EI24: variants seen among roughly 807,000 people sequenced by gnomAD.
EI24 encodes EI24 autophagy associated transmembrane protein.
EI24 carries 21 observed loss-of-function variants against 48.6 expected under a neutral mutation model. That is an observed-to-expected ratio of 0.43 (90% confidence interval 0.31 to 0.62). EI24 has a LOEUF of 0.62. Ranked by LOEUF, EI24 falls within the 20% of genes least tolerant of loss-of-function variation. The pLI is 0.10. For synonymous variants in EI24, 114 were observed against 145.5 expected (o/e 0.78, Z 1.56); for missense variants, 280 against 410.5 (o/e 0.68, Z 2.75).
chr11:125,579,131 A>G (rs1056622552), intron 7 of EI24, 63 bp downstream of exon 7: 1 of 1,481,372 alleles, frequency 6.8e-7, no homozygotes, highest in Non-Finnish European at 9.1e-7. Context: ...TTCACTAGAG[A>G]GAACTTCACA....
intron 2 of EI24, 37 bp downstream of exon 2, chr11:125,572,606 C>T (rs749208966): frequency 3.2e-6 from 5 of 1,582,622 alleles, no homozygotes; most frequent in Non-Finnish European, 4.3e-6. Flanking sequence ...CATCTCTCGG[C>T]CTTTTTTTTT....
At chr11:125,581,064 A>G (rs982745305) in intron 8 of EI24, 147 bp from the exon 9 acceptor site, 11 of 203,834 alleles carry the variant, frequency 5.4e-5, no homozygotes, top group African/African-American at 2.7e-4. Flanking sequence ...GCATCAAAGC[A>G]AGACTCCATC....
At chr11:125,574,606 AGCTTG>A (rs1323213195) in intron 2 of EI24, 3 of 152,340 alleles carry the variant, frequency 2.0e-5, no homozygotes, top group Non-Finnish European at 4.4e-5. Flanking sequence ...TCTTAAATCC[AGCTTG>A]GCCATTGCTT....
intron 10 of EI24, 123 bp from the exon 11 acceptor site, chr11:125,583,398 T>C: frequency 1.2e-6 from 1 of 824,658 alleles, no homozygotes; most frequent in Admixed American, 3.0e-5. Flanking sequence ...CTGTATTTCC[T>C]TGATCAAGTT....
In EI24 at chr11:125,584,116, T is replaced by C. The variant is rs1044776486; in HGVS notation, c.*433T>C. ...GTTGTTTTTCTGTGAAACACATACA[T>C]TGGATATGGGAGGTAAAGGAGTGTC... On this transcript the variant is annotated 3_prime_UTR_variant, in exon 11 of 11. Transcript: ENST00000278903. 1 of 200,604 alleles carries C rather than the reference T, an allele frequency of 5.0e-6. No individual in the cohort carries two copies. The highest frequency in any genetic ancestry group is 2.4e-5 in the African/African-American group (1 of 41,916). The allele number at this position is 200,604 out of a possible 1,614,324, so 12.4% of individuals were successfully genotyped here. A position where few individuals can be genotyped will look rare whatever the true frequency, so the allele number is the denominator to read the frequency against.
At chr11:125,581,134 G>A (rs932119695) in intron 8 of EI24, 77 bp from the exon 9 acceptor site, 2 of 611,612 alleles carry the variant, frequency 3.3e-6, no homozygotes, top group Non-Finnish European at 5.2e-6. Flanking sequence ...AAAACTCATG[G>A]TTTGTCTACC....
chr11:125,581,432 T>G, intron 9 of EI24, 110 bp downstream of exon 9: 1 of 549,536 alleles, frequency 1.8e-6, no homozygotes. Flanking sequence ...CATTTGTCCA[T>G]CAGGAGACCT....
chr11:125,581,422 C>A, intron 9 of EI24, 100 bp downstream of exon 9: 2 of 618,024 alleles, frequency 3.2e-6, no homozygotes, highest in Admixed American at 2.7e-5. Context: ...TCTACATCAT[C>A]ATTTGTCCAT....
chr11:125,580,240 C>T, intron 8 of EI24, 36 bp downstream of exon 8: 1 of 1,485,034 alleles, frequency 6.7e-7, no homozygotes, highest in Non-Finnish European at 9.4e-7. Flanking sequence ...AAATGGAGGC[C>T]CAGTTTGGAA....
At chr11:125,578,710 G>C (rs1432521396) in intron 6 of EI24, among the ~76,000 whole-genome samples, 2 of 151,924 alleles carry the variant, frequency 1.3e-5, no homozygotes, top group Non-Finnish European at 2.9e-5. Flanking sequence ...CTGCTGATCT[G>C]CCTGCCTCGG....
intron 5 of EI24, 105 bp downstream of exon 5, chr11:125,577,675 G>T: frequency 1.0e-6 from 1 of 962,938 alleles, no homozygotes; most frequent in Non-Finnish European, 1.6e-6. Flanking sequence ...AGCTTTCACT[G>T]TTTATTTTCT....
rs1031614460 is a variant in EI24 at position 125,579,125 on chromosome 11, C to G, written c.561+57C>G. ...TTTATTAAAAAGAAAAACTGTTTCA[C>G]TAGAGAGAACTTCACAAAGACAGAG... On this transcript the variant is annotated intron_variant, in intron 7 of 10. Coordinates refer to ENST00000278903, the MANE Select transcript of EI24 (RefSeq NM_004879.5). 2.7e-6 allele frequency: 4 copies of G among 1,498,068 alleles called. No homozygotes were observed. In the African/African-American group the frequency reaches 4.2e-5, roughly 16 times the overall value. The allele number at this position is 1,498,068 out of a possible 1,614,324, so 92.8% of individuals were successfully genotyped here. A position where few individuals can be genotyped will look rare whatever the true frequency, so the allele number is the denominator to read the frequency against.
chr11:125,579,654 C>G (rs1331624791), intron 7 of EI24, among the ~76,000 whole-genome samples: 3 of 152,038 alleles, frequency 2.0e-5, no homozygotes, highest in Non-Finnish European at 4.4e-5. Flanking sequence ...GCGACAAGAG[C>G]AAAACTGTCT....
At position 125,581,585 on chromosome 11, in the gene EI24, C is replaced by T. The variant is rs774315891; in HGVS notation, c.785+263C>T. ...TTTTTGAGACAGAGTCTCACTCTGT[C>T]GCCCAGGCTAGAGTGCAGTGGTGTA... On this transcript the variant is annotated intron_variant, in intron 9 of 10. Coordinates refer to ENST00000278903, the MANE Select transcript of EI24 (RefSeq NM_004879.5). Among the ~76,000 whole-genome samples, 218 of 111,444 alleles carry T rather than the reference C, an allele frequency of 2.0e-3. 2 individuals are homozygous for T. The highest frequency in any genetic ancestry group is 1.6e-3 in the Non-Finnish European group (98 of 60,326). The allele number at this position is 111,444 out of a possible 152,430, so 73.1% of individuals were successfully genotyped here. A position where few individuals can be genotyped will look rare whatever the true frequency, so the allele number is the denominator to read the frequency against.
chr11:125,572,435 C>A, intron 1 of EI24, 23 bp from the exon 2 acceptor site: 1 of 1,163,448 alleles, frequency 8.6e-7, no homozygotes, highest in Non-Finnish European at 1.3e-6. Context: ...TATTTGCCTC[C>A]ATTATGTTCC....
intron 7 of EI24, 74 bp from the exon 8 acceptor site, chr11:125,580,019 A>T: frequency 8.4e-7 from 1 of 1,190,256 alleles, no homozygotes; most frequent in Non-Finnish European, 1.3e-6. Context: ...TCAGACAGTG[A>T]TTGGAGAGTG....
chr11:125,578,213 C>T lies in EI24; in HGVS notation c.397C>T (p.Pro133Ser). The T allele has an allele frequency of 6.2e-7, 1 of 1,613,914 alleles. No homozygotes were observed. The highest frequency in any genetic ancestry group is 8.5e-7 in the Non-Finnish European group (1 of 1,179,884). ...AATTTTCAGTGCTCTTTGGGTGCTC[C>T]CCTTGTTTGTGCTTAGCAAAGTGGT... ...TSIFSALWVLPLFVLSKVVNA... is the reference protein window; with the variant it reads ...TSIFSALWVLSLFVLSKVVNA... The change falls in exon 6 of 11, where the codon CCC becomes TCC. Residue 133 changes from proline to serine, a missense_variant. Pro to Ser is a moderately conservative substitution (Grantham distance 74). Coordinates refer to ENST00000278903, the MANE Select transcript of EI24 (RefSeq NM_004879.5).
intron 10 of EI24, among the ~76,000 whole-genome samples, chr11:125,583,135 C>CA (rs1179218501): frequency 2.0e-5 from 3 of 152,108 alleles, no homozygotes; most frequent in Non-Finnish European, 4.4e-5. Context: ...GAGTCTCGCT[C>CA]TGTCACCCAA....
intron 9 of EI24, among the ~76,000 whole-genome samples, 163 bp downstream of exon 9, chr11:125,581,485 A>C (rs1052224057): frequency 3.4e-5 from 5 of 147,920 alleles, no homozygotes; most frequent in Non-Finnish European, 7.4e-5. Context: ...TCTAGTCTGA[A>C]TGTCCCTATA....
Sources: gnomAD v4.1 joint callset for allele counts (sites outside exome capture counted in the v4.1 genomes callset) on GRCh38, gnomAD v4.1.1 for gene constraint, MANE v1.5 for transcripts, NCBI Gene and HGNC (gene_info 2026-07-23, HGNC 2026-07-21) for gene names.